Variants in NMNAT2 observed in about 807,000 individuals in gnomAD.
NMNAT2 encodes nicotinamide nucleotide adenylyltransferase 2.
NMNAT2 carries 11 observed loss-of-function variants against 41.6 expected under a neutral mutation model. That is an observed-to-expected ratio of 0.26 (90% CI 0.17 to 0.44). NMNAT2 has a LOEUF of 0.44. Among genes scored for constraint, NMNAT2 ranks in the 20% least tolerant of loss-of-function variants. The pLI is 1.00. For missense variants in NMNAT2, 288 were observed against 407.7 expected (o/e 0.71, Z 2.53); for synonymous variants, 148 against 151.2 (o/e 0.98, Z 0.16).
rs1558103377 is a variant in NMNAT2, at chr1:183,249,452, A to C, written c.*3189T>G. ...CCTCTGGACATGATTGTTCCAGTCC[A>C]TGCCTTTCTCACAACCTCTGAGCCA... is the stretch of plus-strand genomic sequence containing the variant. On this transcript the variant is annotated 3_prime_UTR_variant, in exon 11 of 11. Transcript: ENST00000287713. 6.6e-6 allele frequency: 1 copy of C among 152,200 alleles called. No homozygotes were observed. The highest frequency in any genetic ancestry group is 6.5e-5 in the Admixed American group (1 of 15,280). The allele number at this position is 152,200 out of a possible 1,614,324, so 9.4% of individuals were successfully genotyped here.
At chr1:183,327,779 T>TA (rs1489744864) in intron 1 of NMNAT2, among the ~76,000 whole-genome samples, 1 of 152,162 alleles carries the variant, frequency 6.6e-6, no homozygotes, top group South Asian at 2.1e-4. Context: ...GAATTAGAAA[T>TA]AAAAATAGTC....
At chr1:183,388,386 TCAGGGTCCTAAAGAAAAA>T (rs1648323503) in intron 1 of NMNAT2, among the ~76,000 whole-genome samples, 1 of 152,216 alleles carries the variant, frequency 6.6e-6, no homozygotes. Flanking sequence ...TGGGCCAATT[TCAGGGTCCTAAAGAAAAA>T]CACCTCTGCC....
chr1:183,350,299 T>C (rs1400881173), intron 1 of NMNAT2, among the ~76,000 whole-genome samples: 1 of 152,084 alleles, frequency 6.6e-6, no homozygotes, highest in African/African-American at 2.4e-5. Context: ...CTGTTCCCAA[T>C]CACCAGCTGA....
chr1:183,350,308 G>A (rs1448452151), intron 1 of NMNAT2, among the ~76,000 whole-genome samples: 1 of 152,170 alleles, frequency 6.6e-6, no homozygotes, highest in Non-Finnish European at 1.5e-5. Context: ...ATCACCAGCT[G>A]AGATGGGGAA....
intron 1 of NMNAT2, among the ~76,000 whole-genome samples, chr1:183,397,997 A>G (rs1648701060): frequency 6.6e-6 from 1 of 152,258 alleles, no homozygotes; most frequent in African/African-American, 2.4e-5. Flanking sequence ...AAGAAACTGC[A>G]TCAACTAACA....
chr1:183,284,577 A>G (rs577838168), intron 6 of NMNAT2, 133 bp downstream of exon 6: 11 of 773,690 alleles, frequency 1.4e-5, no homozygotes, highest in South Asian at 1.1e-4. Context: ...TACGTTGTGC[A>G]CAAGTACGCA....
intron 1 of NMNAT2, among the ~76,000 whole-genome samples, chr1:183,407,485 G>A (rs1269642422): frequency 6.6e-6 from 1 of 151,908 alleles, no homozygotes; most frequent in Non-Finnish European, 1.5e-5. Context: ...TAGATGTTGA[G>A]ATTCTGAATA....
intron 1 of NMNAT2, among the ~76,000 whole-genome samples, chr1:183,361,062 T>C (rs980807560): frequency 6.6e-6 from 1 of 152,242 alleles, no homozygotes; most frequent in Non-Finnish European, 1.5e-5. Context: ...ACACTGAGCA[T>C]GTATGCATAA....
chr1:183,277,512 C>CAAAA (rs759856572), intron 8 of NMNAT2, among the ~76,000 whole-genome samples: 4 of 47,704 alleles, frequency 8.4e-5, no homozygotes, highest in East Asian at 5.3e-4. Context: ...GACTCCGTCT[C>CAAAA]AAAAAAAAAA....
chr1:183,408,479 T>C (rs1436663530), intron 1 of NMNAT2, among the ~76,000 whole-genome samples: 1 of 152,196 alleles, frequency 6.6e-6, no homozygotes, highest in East Asian at 1.9e-4. Flanking sequence ...AAAAATCGGG[T>C]AGCTGTCCAC....
At chr1:183,327,425 C>T (rs1235836618) in intron 1 of NMNAT2, among the ~76,000 whole-genome samples, 2 of 152,132 alleles carry the variant, frequency 1.3e-5, no homozygotes, top group Admixed American at 6.5e-5. Context: ...GTTCACACAG[C>T]GAATTATGAA....
intron 1 of NMNAT2, among the ~76,000 whole-genome samples, chr1:183,403,442 C>G (rs944653549): frequency 1.4e-5 from 1 of 69,548 alleles, no homozygotes; most frequent in African/African-American, 7.6e-5. Context: ...GAGGAACAAC[C>G]CCCCCCCCCA....
intron 8 of NMNAT2, among the ~76,000 whole-genome samples, chr1:183,268,792 A>G (rs1453296630): frequency 6.6e-6 from 1 of 152,270 alleles, no homozygotes; most frequent in Non-Finnish European, 1.5e-5. Flanking sequence ...CTGTAATCCC[A>G]GCACTTTAAG....
intron 10 of NMNAT2, among the ~76,000 whole-genome samples, chr1:183,258,421 C>T (rs972030888): frequency 3.3e-5 from 5 of 152,176 alleles, no homozygotes; most frequent in Admixed American, 2.0e-4. Flanking sequence ...CTAACTTAAC[C>T]GACTCCATCT....
Position 183,265,258 on chromosome 1 carries a change from C to CT in NMNAT2, c.652-3956dup, listed in dbSNP as rs67117635. ...TAGAAATTCTCTTCTTCTTCTTCTT[C>CT]TTTTTTTTTTTTTTTTTTTTTTTTT... On this transcript the variant is annotated intron_variant, in intron 8 of 10. Coordinates refer to ENST00000287713, the MANE Select transcript of NMNAT2 (RefSeq NM_015039.4). Among the ~76,000 whole-genome samples, 315 of 64,550 alleles carry CT rather than the reference C, an allele frequency of 4.9e-3. 22 individuals carry two copies. Among genetic ancestry groups the CT allele is most frequent in the African/African-American group, 9.6e-3 (148 of 15,486 alleles). 42.3% of individuals were successfully genotyped at this position (64,550 alleles called of 152,430 possible). A position where few individuals can be genotyped will look rare whatever the true frequency, so the allele number is the denominator to read the frequency against.
intron 1 of NMNAT2, among the ~76,000 whole-genome samples, chr1:183,360,345 C>A (rs181399442): frequency 8.4e-4 from 128 of 152,140 alleles, no homozygotes; most frequent in Middle Eastern, 3.4e-3. Context: ...CTACCTACAC[C>A]CCCGAGGGTA....
intron 6 of NMNAT2, among the ~76,000 whole-genome samples, 183 bp downstream of exon 6, chr1:183,284,526 CT>C (rs2102302381): frequency 6.6e-6 from 1 of 152,342 alleles, no homozygotes; most frequent in South Asian, 2.1e-4. Context: ...AAGACTGAGT[CT>C]TCGATGTGCC....
chr1:183,364,862 T>C (rs529516166), intron 1 of NMNAT2, among the ~76,000 whole-genome samples: 1 of 152,138 alleles, frequency 6.6e-6, no homozygotes, highest in East Asian at 1.9e-4. Context: ...CGGCTAATTT[T>C]TTGTGTTTTT....
At position 183,360,937 on chromosome 1, in the gene NMNAT2, CCTT is replaced by C. The variant is rs560159562; in HGVS notation, c.85+57243_85+57245del. Among the ~76,000 whole-genome samples the C allele has an allele frequency of 3.9e-4, 60 of 152,234 alleles. 2 individuals are homozygous for C. In the East Asian group the frequency reaches 0.011, roughly 27 times the overall value. On this transcript the variant is annotated intron_variant, in intron 1 of 10. Coordinates refer to ENST00000287713, the MANE Select transcript of NMNAT2 (RefSeq NM_015039.4). ...AACCTTATAAAAACAGAGAAAATAT[CCTT>C]CTTTATTTACCCTAGCTCTCCACCA...
Sources: allele counts gnomAD v4.1 joint callset (sites outside exome capture counted in the v4.1 genomes callset), GRCh38; gene constraint gnomAD v4.1.1; transcripts MANE v1.5; gene names NCBI Gene and HGNC (gene_info 2026-07-23, HGNC 2026-07-21).